KARS1: variants seen among roughly 807,000 people sequenced by gnomAD.
KARS1 encodes the protein lysine--tRNA ligase.
In KARS1, 50 loss-of-function variants were observed where a neutral mutation model predicts 63.9. The observed-to-expected ratio is 0.78, with a 90% confidence interval of 0.62 to 0.99. The LOEUF is 0.99. KARS1 is among the 50% of genes least tolerant of loss of function. The pLI, the probability that KARS1 is intolerant of heterozygous loss-of-function variation, is 0.00. For synonymous variants in KARS1, 320 were observed against 264.6 expected, an observed-to-expected ratio of 1.21 and a Z score of -2.03; for missense variants, 816 against 754.5, an observed-to-expected ratio of 1.08 and a Z score of -0.95.
chr16:75,636,173 C>A, intron 4 of KARS1, 75 bp from the exon 5 acceptor site: 1 of 940,018 alleles, frequency 1.1e-6, no homozygotes, highest in Non-Finnish European at 1.7e-6. Context: ...CTGGAACCCT[C>A]ACTCAACTGT....
intron 1 of KARS1, among the ~76,000 whole-genome samples, chr16:75,646,476 G>C (rs1016775261): frequency 1.1e-4 from 16 of 151,766 alleles, no homozygotes; most frequent in African/African-American, 3.9e-4. Context: ...TGGCAGCGAA[G>C]GTTGCAGTGA....
At chr16:75,644,182 G>C (rs1446281463) in intron 1 of KARS1, 2 of 1,054,432 alleles carry the variant, frequency 1.9e-6, no homozygotes, top group African/African-American at 3.2e-5. Flanking sequence ...TGTTTCCTTA[G>C]CAACAAGTCC....
At chr16:75,637,271 GCAAACCAC>G (rs1223569658) in intron 3 of KARS1, among the ~76,000 whole-genome samples, 5 of 151,954 alleles carry the variant, frequency 3.3e-5, no homozygotes, top group Non-Finnish European at 7.4e-5. Flanking sequence ...AAGCAAGGAG[GCAAACCAC>G]CAAGAGCCAT....
intron 2 of KARS1, 66 bp from the exon 3 acceptor site, chr16:75,640,415 T>A: frequency 6.1e-6 from 9 of 1,487,042 alleles, no homozygotes; most frequent in Non-Finnish European, 8.4e-6. Context: ...GGGGCCCACC[T>A]AGCAGAGGGC....
chr16:75,644,534 G>T, intron 1 of KARS1: 1 of 1,082,652 alleles, frequency 9.2e-7, no homozygotes, highest in Non-Finnish European at 1.3e-6. Context: ...ACTCTCTTAT[G>T]GGTTGGGGAG....
At chr16:75,630,674 C>T (rs767839874) in intron 10 of KARS1, among the ~76,000 whole-genome samples, 166 bp from the exon 11 acceptor site, 7 of 151,920 alleles carry the variant, frequency 4.6e-5, no homozygotes, top group Non-Finnish European at 7.4e-5. Context: ...CTCGCTCTGT[C>T]GCCCAGGCTG....
intron 3 of KARS1, chr16:75,639,900 G>GAATTCTT (rs1442877229): frequency 6.7e-6 from 3 of 447,520 alleles, no homozygotes; most frequent in Non-Finnish European, 1.2e-5. Flanking sequence ...CCAAAGACTG[G>GAATTCTT]AATTCTTAGA....
intron 11 of KARS1, 91 bp downstream of exon 11, chr16:75,630,332 C>A: frequency 2.4e-6 from 2 of 838,006 alleles, no homozygotes; most frequent in Admixed American, 1.9e-5. Context: ...AGCAGAAAGA[C>A]CACCAGTCAA....
chr16:75,638,908 C>T (rs1302897667), intron 3 of KARS1, among the ~76,000 whole-genome samples: 2 of 152,236 alleles, frequency 1.3e-5, no homozygotes, highest in African/African-American at 4.8e-5. Flanking sequence ...CGGCTCATGC[C>T]TGTAATCCCA....
intron 1 of KARS1, among the ~76,000 whole-genome samples, chr16:75,647,018 A>T (rs2082293850): frequency 6.6e-6 from 1 of 152,234 alleles, no homozygotes; most frequent in Non-Finnish European, 1.5e-5. Context: ...GGCTGAATTA[A>T]GATGGTCTCT....
intron 7 of KARS1, among the ~76,000 whole-genome samples, chr16:75,633,172 A>C (rs1302572357): frequency 2.0e-5 from 3 of 152,178 alleles, no homozygotes; most frequent in Non-Finnish European, 4.4e-5. Context: ...TTCTATACTA[A>C]ATAAATGCCT....
In KARS1 at chr16:75,636,446, C is replaced by T. The variant is rs377697859; in HGVS notation, c.482+8G>A. 555 of 1,582,304 alleles carry T rather than the reference C, an allele frequency of 3.5e-4. 3 individuals carry two copies. Among genetic ancestry groups the T allele is most frequent in the South Asian group, 1.7e-3 (152 of 90,418 alleles). The stretch of plus-strand genomic sequence containing the variant: ...AAGAAAGGTCTATAACTGGGTATTT[C>T]GAGATACCTGGAATTGGCCATGACT... On this transcript the variant is annotated splice_region_variant and intron_variant, in intron 4 of 13. Transcript: ENST00000302445.
At chr16:75,633,993 C>T in intron 7 of KARS1, 180 bp downstream of exon 7, 2 of 723,002 alleles carry the variant, frequency 2.8e-6, no homozygotes, top group South Asian at 1.4e-5. Context: ...CTACAATGCT[C>T]TATTAATCTT....
intron 2 of KARS1, among the ~76,000 whole-genome samples, chr16:75,640,673 G>A (rs112982343): frequency 6.6e-6 from 1 of 152,234 alleles, no homozygotes; most frequent in African/African-American, 2.4e-5. Context: ...GGTGAGTCGA[G>A]TCACTTACGT....
At chr16:75,630,618 T>TA in intron 10 of KARS1, 110 bp from the exon 11 acceptor site, 1 of 514,410 alleles carries the variant, frequency 1.9e-6, no homozygotes, top group Non-Finnish European at 3.4e-6. Flanking sequence ...TCCTATAGCT[T>TA]TTTATTTATT....
In KARS1 at chr16:75,628,804, C is replaced by CATCATTCCAG. The variant is rs1229781467; in HGVS notation, c.1552-102_1552-93dup. On this transcript the variant is annotated intron_variant, in intron 12 of 13. Transcript: ENST00000302445. ...TTACCAGGCTCCGAGGTGGGAGTAC[C>CATCATTCCAG]ATCATTCCAGAGATGCTCCTGACAC... 16 of 1,352,052 alleles carry CATCATTCCAG rather than the reference C, an allele frequency of 1.2e-5. No individual in the cohort carries two copies. The African/African-American group carries it at 2.3e-4, about 19-fold the overall frequency. The allele number at this position is 1,352,052 out of a possible 1,614,324, so 83.8% of individuals were successfully genotyped here.
At chr16:75,644,109 G>C (rs1241094975) in intron 1 of KARS1, among the ~76,000 whole-genome samples, 1 of 152,238 alleles carries the variant, frequency 6.6e-6, no homozygotes, top group African/African-American at 2.4e-5. Flanking sequence ...TCTAAGGAGA[G>C]ACGATTTGAA....
chr16:75,634,728 AC>A (rs2082145779), intron 6 of KARS1, among the ~76,000 whole-genome samples: 1 of 152,144 alleles, frequency 6.6e-6, no homozygotes, highest in African/African-American at 2.4e-5. Context: ...GGTGCCTGCC[AC>A]CACGCCTGGC....
In KARS1 at chr16:75,640,328, G is replaced by C; in HGVS notation, c.244C>G (p.Gln82Glu). The C allele has an allele frequency of 6.2e-7, 1 of 1,607,028 alleles. No homozygotes were observed. Among genetic ancestry groups the C allele is most frequent in the African/African-American group, 1.4e-5 (1 of 73,554 alleles). The part of the protein sequence containing the change: ...DPNQYYKIRS[Q>E]AIHQLKVNGE... ...TTGACCTTCAGCTGATGAATTGCTT[G>C]ACTGCGGATTTTGTAGTATTGCTGT... Residue 82 changes from glutamine to glutamate, a missense_variant, in exon 3 of 14, where the codon CAA becomes GAA. Gln to Glu is a conservative substitution (Grantham distance 29, BLOSUM62 2). Coordinates refer to ENST00000302445, the MANE Select transcript of KARS1 (RefSeq NM_005548.3).
Sources: allele counts gnomAD v4.1 joint callset (sites outside exome capture counted in the v4.1 genomes callset), GRCh38; gene constraint gnomAD v4.1.1; transcripts MANE v1.5; gene names NCBI Gene and HGNC (gene_info 2026-07-23, HGNC 2026-07-21).